ZRANB2: variants seen among roughly 807,000 people sequenced by gnomAD.
ZRANB2 encodes the protein zinc finger Ran-binding domain-containing protein 2.
In ZRANB2, 19 loss-of-function variants were observed where a neutral mutation model predicts 53.4. The observed-to-expected ratio is 0.36, with a 90% CI of 0.25 to 0.52. The LOEUF is 0.52. Among genes scored for constraint, ZRANB2 ranks in the 20% least tolerant of loss-of-function variants. The probability of loss-of-function intolerance (pLI) is 0.93; values close to 1 mark genes in which losing one functional copy is unlikely to be tolerated. For missense variants in ZRANB2, 309 were observed against 401.1 expected, an observed-to-expected ratio of 0.77 and a Z score of 1.96; for synonymous variants, 145 against 134.8, an observed-to-expected ratio of 1.08 and a Z score of -0.52.
At chr1:71,075,879 C>T (rs563312640) in intron 4 of ZRANB2, among the ~76,000 whole-genome samples, 1 of 140,700 alleles carries the variant, frequency 7.1e-6, no homozygotes, top group African/African-American at 2.7e-5. Flanking sequence ...AATGTTCTCA[C>T]ATATGAGAAT....
intron 4 of ZRANB2, among the ~76,000 whole-genome samples, chr1:71,076,133 A>G (rs1458254998): frequency 1.3e-5 from 2 of 152,212 alleles, no homozygotes; most frequent in Non-Finnish European, 2.9e-5. Context: ...TTGAAAGACA[A>G]AATCAGATTT....
At chr1:71,078,985 A>G (rs944568937) in intron 1 of ZRANB2, among the ~76,000 whole-genome samples, 1 of 152,228 alleles carries the variant, frequency 6.6e-6, no homozygotes, top group East Asian at 1.9e-4. Context: ...ACATTAGCAC[A>G]TATCATTAGT....
intron 7 of ZRANB2, among the ~76,000 whole-genome samples, chr1:71,070,017 C>CA (rs1244079273): frequency 1.3e-5 from 2 of 151,938 alleles, no homozygotes; most frequent in Non-Finnish European, 2.9e-5. Flanking sequence ...ATATTTTTAC[C>CA]AAAAAATTAC....
chr1:71,068,344 CTTAT>C (rs900753094), intron 8 of ZRANB2, among the ~76,000 whole-genome samples: 3 of 152,028 alleles, frequency 2.0e-5, no homozygotes, highest in Non-Finnish European at 2.9e-5. Flanking sequence ...ATTTCATTTT[CTTAT>C]TTATTTTTTA....
At chr1:71,073,855 T>C (rs1661647215) in intron 4 of ZRANB2, among the ~76,000 whole-genome samples, 1 of 152,064 alleles carries the variant, frequency 6.6e-6, no homozygotes, top group Non-Finnish European at 1.5e-5. Context: ...ACCCATACAA[T>C]ATAAATCTAG....
chr1:71,079,709 C>T (rs1661792915), intron 1 of ZRANB2, among the ~76,000 whole-genome samples: 1 of 152,168 alleles, frequency 6.6e-6, no homozygotes, highest in South Asian at 2.1e-4. Flanking sequence ...GAGAGTCCTA[C>T]CTCTGGGTGT....
At chr1:71,080,770 A>G (rs1661827445) in intron 1 of ZRANB2, among the ~76,000 whole-genome samples, 170 bp downstream of exon 1, 1 of 151,992 alleles carries the variant, frequency 6.6e-6, no homozygotes, top group Admixed American at 6.6e-5. Context: ...TCCCGGAAAG[A>G]CCTCTCTCGT....
intron 1 of ZRANB2, among the ~76,000 whole-genome samples, chr1:71,079,445 C>G (rs1235664664): frequency 6.6e-6 from 1 of 152,058 alleles, no homozygotes; most frequent in African/African-American, 2.4e-5. Flanking sequence ...CTCTGGATAA[C>G]ATGGAATGCT....
At chr1:71,068,598 T>TAA (rs1191101737) in intron 8 of ZRANB2, among the ~76,000 whole-genome samples, 1 of 152,148 alleles carries the variant, frequency 6.6e-6, no homozygotes, top group Non-Finnish European at 1.5e-5. Context: ...ATAGCGTGTG[T>TAA]AAAATTAGAA....
At chr1:71,070,758 A>C in intron 7 of ZRANB2, 69 bp downstream of exon 7, 1 of 1,004,210 alleles carries the variant, frequency 1.0e-6, no homozygotes, top group Non-Finnish European at 1.4e-6. Flanking sequence ...AAGAAAAACA[A>C]AATTTATAAA....
At chr1:71,066,704 GACTAGGAAAGTTT>G (rs1467467554) in intron 9 of ZRANB2, 59 bp downstream of exon 9, 1 of 1,491,814 alleles carries the variant, frequency 6.7e-7, no homozygotes, top group Non-Finnish European at 9.0e-7. Flanking sequence ...TCTAACCCTT[GACTAGGAAAGTTT>G]ACTTTATCTA....
Position 71,065,019 on chromosome 1 carries a change from A to T in ZRANB2, c.*55T>A. On this transcript the variant is annotated 3_prime_UTR_variant, in exon 10 of 10. Coordinates refer to ENST00000370920, the MANE Select transcript of ZRANB2 (RefSeq NM_203350.3). ...GACCAAGTAAGACACCAACTTCTTT[A>T]AAAATATGCTTCATGCACTGTACTG... The T allele has an allele frequency of 2.2e-6, 3 of 1,352,404 alleles. No individual in the cohort carries two copies. The highest frequency in any genetic ancestry group is 3.1e-6 in the Non-Finnish European group (3 of 963,196). The allele number at this position is 1,352,404 out of a possible 1,614,324, so 83.8% of individuals were successfully genotyped here. A position where few individuals can be genotyped will look rare whatever the true frequency, so the allele number is the denominator to read the frequency against.
rs535925739 is a variant in ZRANB2 at position 71,080,011 on chromosome 1, T to C, written c.56+929A>G. ...CATGTTTTCATTAAAAAAAAAATTCTATTCCTTTTTTAGCAGTTAAATAAG... is the reference window on the plus strand; with the variant it reads ...CATGTTTTCATTAAAAAAAAAATTCCATTCCTTTTTTAGCAGTTAAATAAG... On this transcript the variant is annotated intron_variant, in intron 1 of 9. Coordinates refer to ENST00000370920, the MANE Select transcript of ZRANB2 (RefSeq NM_203350.3). Among the ~76,000 whole-genome samples the C allele has an allele frequency of 5.3e-4, 81 of 152,326 alleles. 1 individual carries two copies. The highest frequency in any genetic ancestry group is 1.6e-3 in the African/African-American group (68 of 41,586).
At chr1:71,080,535 G>A (rs1661816903) in intron 1 of ZRANB2, among the ~76,000 whole-genome samples, 1 of 151,622 alleles carries the variant, frequency 6.6e-6, no homozygotes, top group Non-Finnish European at 1.5e-5. Context: ...GTGCGAGAAA[G>A]CAATATTTTC....
chr1:71,076,671 C>T, intron 4 of ZRANB2, 124 bp downstream of exon 4: 1 of 731,074 alleles, frequency 1.4e-6, no homozygotes, highest in Non-Finnish European at 2.3e-6. Flanking sequence ...CAGTAACAAA[C>T]ATTCAGGGCA....
rs1382271698 is a variant in ZRANB2, at chr1:71,065,127, A to G, written c.940T>C (p.Ser314Pro). The G allele has an allele frequency of 6.8e-6, 11 of 1,611,240 alleles. No individual in the cohort carries two copies. The highest frequency in any genetic ancestry group is 9.3e-6 in the Non-Finnish European group (11 of 1,178,226). Residue 314 changes from serine to proline, a missense_variant, in exon 10 of 10, where the codon TCA (serine) becomes CCA (proline). Ser to Pro is a moderately conservative substitution (Grantham distance 74, BLOSUM62 -1). Transcript: ENST00000370920. ...RSRSPERRHR[S>P]SSGSSHSGSR... ...CCAGAATGGGATGATCCAGATGATGACCTGTGGCGTCTGTAAGACATAATG... is the reference window on the plus strand; with the variant it reads ...CCAGAATGGGATGATCCAGATGATGGCCTGTGGCGTCTGTAAGACATAATG...
Position 71,065,593 on chromosome 1 carries a change from T to C in ZRANB2, c.930-456A>G. On this transcript the variant is annotated intron_variant, in intron 9 of 9. Coordinates refer to ENST00000370920, the MANE Select transcript of ZRANB2 (RefSeq NM_203350.3). ...GAGAAAATATACTCATAAATAAGTT[T>C]TGGAAATCTAGGTCACACAAGATGA... is the stretch of plus-strand genomic sequence containing the variant. The C allele has an allele frequency of 2.7e-6, 4 of 1,480,412 alleles. No individual in the cohort carries two copies. In the South Asian group the frequency reaches 5.8e-5, roughly 21 times the overall value. The allele number at this position is 1,480,412 out of a possible 1,614,324, so 91.7% of individuals were successfully genotyped here.
At position 71,063,425 on chromosome 1, in the gene ZRANB2, T is replaced by A. The variant is rs1251529543; in HGVS notation, c.*1649A>T. 6.6e-6 allele frequency: 1 copy of A among 152,420 alleles called. No individual in the cohort carries two copies. The allele number at this position is 152,420 out of a possible 1,614,324, so 9.4% of individuals were successfully genotyped here. On this transcript the variant is annotated 3_prime_UTR_variant, in exon 10 of 10. Coordinates refer to ENST00000370920, the MANE Select transcript of ZRANB2 (RefSeq NM_203350.3). ...TACAGCTTAGTTAAACCAAATGAAA[T>A]CATAATCATCAGAATTGTCTGTAAA...
chr1:71,066,987 AGATTATT>A, intron 8 of ZRANB2, 53 bp from the exon 9 acceptor site: 1 of 1,492,466 alleles, frequency 6.7e-7, no homozygotes, highest in South Asian at 1.4e-5. Context: ...GAAATAAGGA[AGATTATT>A]TAGTTATCAG....
Sources: allele counts gnomAD v4.1 joint callset (sites outside exome capture counted in the v4.1 genomes callset), GRCh38; gene constraint gnomAD v4.1.1; transcripts MANE v1.5; gene names NCBI Gene and HGNC (gene_info 2026-07-23, HGNC 2026-07-21).